Variants in GRM7 observed in about 807,000 individuals in gnomAD.
GRM7 encodes the protein metabotropic glutamate receptor 7.
Under a neutral mutation model 84.5 loss-of-function variants are expected in GRM7, and 35 were observed. The observed-to-expected ratio is 0.41, with a 90% CI of 0.32 to 0.55. The LOEUF (loss-of-function observed/expected upper bound fraction) is 0.55. Ranked by LOEUF, GRM7 falls within the 20% of genes least tolerant of loss-of-function variation. GRM7 has a pLI of 0.19. For missense variants in GRM7, 1,003 were observed against 1,194.6 expected (o/e 0.84, Z 2.36); for synonymous variants, 487 against 455.1 (o/e 1.07, Z -0.89).
At chr3:7,606,248 C>T (rs138103902) in intron 8 of GRM7, among the ~76,000 whole-genome samples, 1 of 147,686 alleles carries the variant, frequency 6.8e-6, no homozygotes, top group East Asian at 2.0e-4. Flanking sequence ...CAGATGACTT[C>T]TAGCTCCTCT....
intron 1 of GRM7, among the ~76,000 whole-genome samples, chr3:6,953,165 A>G (rs1692861919): frequency 6.6e-6 from 1 of 152,226 alleles, no homozygotes; most frequent in African/African-American, 2.4e-5. Flanking sequence ...TTGGGGACCC[A>G]GATTCTTTCA....
intron 8 of GRM7, among the ~76,000 whole-genome samples, chr3:7,672,081 CG>C (rs1263697676): frequency 6.6e-6 from 1 of 151,988 alleles, no homozygotes; most frequent in South Asian, 2.1e-4. Context: ...TCCCCTGCCC[CG>C]GGGGGAGGGA....
intron 8 of GRM7, among the ~76,000 whole-genome samples, chr3:7,622,806 C>G (rs112728183): frequency 3.3e-5 from 5 of 152,170 alleles, no homozygotes; most frequent in African/African-American, 1.2e-4. Context: ...CATGGACAAA[C>G]CAGAGTCCAT....
At chr3:7,628,983 G>A (rs1343986490) in intron 8 of GRM7, among the ~76,000 whole-genome samples, 1 of 152,100 alleles carries the variant, frequency 6.6e-6, no homozygotes, top group East Asian at 1.9e-4. Context: ...GATACATATT[G>A]CAAATCTCTA....
At chr3:7,698,033 G>C (rs1007541794) in intron 9 of GRM7, among the ~76,000 whole-genome samples, 21 of 152,208 alleles carry the variant, frequency 1.4e-4, no homozygotes, top group African/African-American at 4.3e-4. Flanking sequence ...ACTCTTGTTA[G>C]GGACTCTGCA....
Position 7,483,128 on chromosome 3 carries a change from A to G in GRM7, c.1515+21406A>G, listed in dbSNP as rs189918602. On this transcript the variant is annotated intron_variant, in intron 7 of 9. Coordinates refer to ENST00000357716, the MANE Select transcript of GRM7 (RefSeq NM_000844.4). ...TCACCCAATGGATATTCATTGAACA[A>G]CTACTCTATGCCAAGTTGTATTGTA... Among the ~76,000 whole-genome samples, 113 of 152,288 alleles carry G rather than the reference A, an allele frequency of 7.4e-4. 1 individual carries two copies. The highest frequency in any genetic ancestry group is 1.3e-3 in the Non-Finnish European group (87 of 68,022).
intron 8 of GRM7, among the ~76,000 whole-genome samples, chr3:7,661,516 C>A (rs534855299): frequency 2.0e-5 from 3 of 152,066 alleles, no homozygotes; most frequent in East Asian, 1.9e-4. Flanking sequence ...AAATGCTGGC[C>A]GGGCGCGGTG....
chr3:7,246,852 G>C (rs1379129892), intron 2 of GRM7, among the ~76,000 whole-genome samples: 1 of 152,086 alleles, frequency 6.6e-6, no homozygotes, highest in Non-Finnish European at 1.5e-5. Flanking sequence ...ACAGTCACTA[G>C]CCAAAACAAT....
intron 4 of GRM7, among the ~76,000 whole-genome samples, chr3:7,385,511 A>C (rs576619991): frequency 6.6e-6 from 1 of 152,116 alleles, no homozygotes; most frequent in East Asian, 1.9e-4. Context: ...CATGTTATGC[A>C]GGATGGTCTC....
chr3:6,951,032 G>A (rs968154635), intron 1 of GRM7, among the ~76,000 whole-genome samples: 23 of 152,182 alleles, frequency 1.5e-4, no homozygotes, highest in Admixed American at 3.3e-4. Flanking sequence ...TCCCTGCTTC[G>A]GCTCACGCAC....
At chr3:7,340,478 C>T (rs970877739) in intron 4 of GRM7, among the ~76,000 whole-genome samples, 2 of 152,046 alleles carry the variant, frequency 1.3e-5, no homozygotes, top group African/African-American at 2.4e-5. Flanking sequence ...AACACACTCC[C>T]TATCATGAGA....
chr3:7,679,323 T>C (rs1450541501), intron 8 of GRM7, among the ~76,000 whole-genome samples: 6 of 151,462 alleles, frequency 4.0e-5, no homozygotes, highest in Middle Eastern at 3.4e-3. Context: ...GGTCAGGGAG[T>C]TGGGAAATAG....
At chr3:7,007,260 G>A (rs1232031514) in intron 1 of GRM7, among the ~76,000 whole-genome samples, 1 of 152,130 alleles carries the variant, frequency 6.6e-6, no homozygotes, top group African/African-American at 2.4e-5. Context: ...TCAATCAAAC[G>A]GAGATGATGG....
At chr3:7,605,003 A>G (rs529154647) in intron 8 of GRM7, among the ~76,000 whole-genome samples, 6 of 152,320 alleles carry the variant, frequency 3.9e-5, no homozygotes, top group Admixed American at 3.9e-4. Flanking sequence ...ATGCAATAAA[A>G]TCTCTTTCAT....
intron 8 of GRM7, among the ~76,000 whole-genome samples, chr3:7,597,825 G>C (rs546235380): frequency 1.3e-5 from 2 of 152,122 alleles, no homozygotes; most frequent in African/African-American, 2.4e-5. Context: ...ATGCAAGAAG[G>C]CTTGGCTAGG....
intron 2 of GRM7, among the ~76,000 whole-genome samples, chr3:7,275,492 T>C (rs1699019527): frequency 6.6e-6 from 1 of 152,182 alleles, no homozygotes; most frequent in South Asian, 2.1e-4. Flanking sequence ...CCTGTGCCTC[T>C]GCACTGTGAA....
intron 1 of GRM7, among the ~76,000 whole-genome samples, chr3:6,881,260 AT>A (rs1695497487): frequency 2.0e-5 from 3 of 152,024 alleles, no homozygotes; most frequent in Non-Finnish European, 4.4e-5. Flanking sequence ...CCCAGCATGC[AT>A]TTTCTATGTT....
At chr3:7,230,161 CTT>C (rs1697148417) in intron 2 of GRM7, among the ~76,000 whole-genome samples, 1 of 151,858 alleles carries the variant, frequency 6.6e-6, no homozygotes, top group African/African-American at 2.4e-5. Flanking sequence ...CAGTTGAACT[CTT>C]ATATCAGAAA....
intron 8 of GRM7, among the ~76,000 whole-genome samples, chr3:7,597,190 A>G (rs931051293): frequency 6.6e-6 from 1 of 152,018 alleles, no homozygotes; most frequent in African/African-American, 2.4e-5. Flanking sequence ...GACGAGGGGG[A>G]CGTAGGCATC....
Sources: gnomAD v4.1 joint callset for allele counts (sites outside exome capture counted in the v4.1 genomes callset) on GRCh38, gnomAD v4.1.1 for gene constraint, MANE v1.5 for transcripts, NCBI Gene and HGNC (gene_info 2026-07-23, HGNC 2026-07-21) for gene names.